RBMS3: variants seen among roughly 807,000 people sequenced by gnomAD.
RBMS3 encodes the protein RNA-binding motif, single-stranded-interacting protein 3.
Under a neutral mutation model 66.8 loss-of-function variants are expected in RBMS3, and 27 were observed. That is an observed-to-expected ratio of 0.40 (90% CI 0.30 to 0.56). The LOEUF (loss-of-function observed/expected upper bound fraction) is 0.56. Ranked by LOEUF, RBMS3 falls within the 20% of genes least tolerant of loss-of-function variation. The probability of loss-of-function intolerance (pLI) is 0.40; values close to 1 mark genes in which losing one functional copy is unlikely to be tolerated. For missense variants in RBMS3, 513 were observed against 549.5 expected, an observed-to-expected ratio of 0.93 and a Z score of 0.66; for synonymous variants, 188 against 183.0, an observed-to-expected ratio of 1.03 and a Z score of -0.22.
At chr3:29,830,138 T>A (rs1439188200) in intron 6 of RBMS3, among the ~76,000 whole-genome samples, 1 of 152,014 alleles carries the variant, frequency 6.6e-6, no homozygotes, top group African/African-American at 2.4e-5. Context: ...TAGTGGGAGG[T>A]AGTCTTTTTT....
At chr3:29,574,183 T>C (rs2047032320) in intron 3 of RBMS3, among the ~76,000 whole-genome samples, 1 of 152,200 alleles carries the variant, frequency 6.6e-6, no homozygotes, top group Non-Finnish European at 1.5e-5. Flanking sequence ...ATTATTGTAT[T>C]GAGGTCTACC....
intron 12 of RBMS3, among the ~76,000 whole-genome samples, chr3:29,974,919 A>G (rs1249122458): frequency 7.0e-6 from 1 of 143,490 alleles, no homozygotes; most frequent in Non-Finnish European, 1.5e-5. Flanking sequence ...TATTTTATAT[A>G]TAAAATACGT....
In RBMS3 at chr3:29,736,928, T is replaced by A. The variant is rs138905041; in HGVS notation, c.400-2792T>A. Among the ~76,000 whole-genome samples, 944 of 152,264 alleles carry A rather than the reference T, an allele frequency of 6.2e-3. 1 individual carries two copies. The highest frequency in any genetic ancestry group is 0.027 in the Middle Eastern group (8 of 294). On this transcript the variant is annotated intron_variant, in intron 4 of 14. Coordinates refer to ENST00000383767, the MANE Select transcript of RBMS3 (RefSeq NM_001003793.3). Reference sequence around the variant, plus strand: ...ATGAGTTTGTTCACTGTTTTTACAGTAACCTTCTATTTATGGCAAGTAATA... The same window carrying A: ...ATGAGTTTGTTCACTGTTTTTACAGAAACCTTCTATTTATGGCAAGTAATA...
intron 1 of RBMS3, among the ~76,000 whole-genome samples, chr3:29,315,829 C>A (rs1394003147): frequency 6.6e-6 from 1 of 151,672 alleles, no homozygotes; most frequent in Admixed American, 6.6e-5. Context: ...TTTTATAGAT[C>A]AGGCTAAATG....
intron 3 of RBMS3, among the ~76,000 whole-genome samples, chr3:29,521,039 T>C (rs998001195): frequency 6.6e-6 from 1 of 152,136 alleles, no homozygotes; most frequent in South Asian, 2.1e-4. Context: ...CTCTGACTTA[T>C]TATCTAAAAT....
At chr3:29,660,203 T>A (rs769621468) in intron 4 of RBMS3, among the ~76,000 whole-genome samples, 2 of 152,318 alleles carry the variant, frequency 1.3e-5, no homozygotes, top group Non-Finnish European at 2.9e-5. Context: ...ATTGTCTTTT[T>A]TTTACTTCAT....
In RBMS3 at chr3:29,819,489, T is replaced by A. The variant is rs184432544; in HGVS notation, c.638-49369T>A. On this transcript the variant is annotated intron_variant, in intron 6 of 14. Transcript: ENST00000383767. ...TTAGCAAGGGTATTTTTAAATTTTT[T>A]AAATAGCATCAAAATGTATTTTAGC... Among the ~76,000 whole-genome samples, 1,015 of 152,372 alleles carry A rather than the reference T, an allele frequency of 6.7e-3. 9 individuals carry two copies. Among genetic ancestry groups the A allele is most frequent in the African/African-American group, 0.022 (917 of 41,586 alleles).
At chr3:29,744,919 C>T (rs187074883) in intron 5 of RBMS3, among the ~76,000 whole-genome samples, 6 of 152,088 alleles carry the variant, frequency 3.9e-5, no homozygotes, top group Admixed American at 3.9e-4. Flanking sequence ...TTTCAGTGGA[C>T]TTCATTTTGA....
chr3:29,621,029 T>TTC (rs1026998420), intron 4 of RBMS3, among the ~76,000 whole-genome samples: 3 of 152,104 alleles, frequency 2.0e-5, no homozygotes, highest in African/African-American at 7.2e-5. Context: ...TCCATGCCCT[T>TTC]AAGTCATACC....
intron 3 of RBMS3, among the ~76,000 whole-genome samples, chr3:29,567,635 A>G (rs1418192407): frequency 6.6e-6 from 1 of 152,120 alleles, no homozygotes; most frequent in Non-Finnish European, 1.5e-5. Flanking sequence ...AAGGAGCAAT[A>G]GTGGTCTATT....
chr3:29,803,007 C>T (rs74731245), intron 6 of RBMS3, among the ~76,000 whole-genome samples: 9 of 152,158 alleles, frequency 5.9e-5, no homozygotes, highest in East Asian at 1.9e-4. Flanking sequence ...GAAAATGGGA[C>T]GAACGGCTTT....
At chr3:29,473,320 G>GGTTC (rs1294327030) in intron 2 of RBMS3, among the ~76,000 whole-genome samples, 1 of 152,202 alleles carries the variant, frequency 6.6e-6, no homozygotes, top group African/African-American at 2.4e-5. Flanking sequence ...TAGACATAAA[G>GGTTC]GTTCTCCAAG....
At chr3:29,909,006 T>C (rs2060452896) in intron 10 of RBMS3, among the ~76,000 whole-genome samples, 1 of 152,012 alleles carries the variant, frequency 6.6e-6, no homozygotes, top group Admixed American at 6.6e-5. Flanking sequence ...TGGGTGATGT[T>C]TGTGGGGCTA....
intron 4 of RBMS3, among the ~76,000 whole-genome samples, chr3:29,600,700 G>T (rs1022007062): frequency 1.3e-5 from 2 of 152,076 alleles, no homozygotes; most frequent in African/African-American, 4.8e-5. Context: ...TCTCTGCAGT[G>T]TAGTAGCTTG....
At chr3:29,406,238 T>G (rs1328799911) in intron 1 of RBMS3, among the ~76,000 whole-genome samples, 1 of 152,200 alleles carries the variant, frequency 6.6e-6, no homozygotes, top group Non-Finnish European at 1.5e-5. Context: ...TTCATTCTGT[T>G]GAGACTGACC....
At chr3:29,866,744 T>G (rs2059372601) in intron 6 of RBMS3, among the ~76,000 whole-genome samples, 2 of 152,184 alleles carry the variant, frequency 1.3e-5, no homozygotes, top group Admixed American at 6.5e-5. Flanking sequence ...GAATTAGGAA[T>G]CAGAATTTAC....
chr3:29,425,160 A>G (rs550579329), intron 1 of RBMS3, among the ~76,000 whole-genome samples: 6 of 146,798 alleles, frequency 4.1e-5, no homozygotes, highest in African/African-American at 7.6e-5. Flanking sequence ...TGGCTAACAC[A>G]GTGAAACACT....
At chr3:29,321,391 A>G (rs1207328793) in intron 1 of RBMS3, among the ~76,000 whole-genome samples, 1 of 152,184 alleles carries the variant, frequency 6.6e-6, no homozygotes, top group East Asian at 1.9e-4. Context: ...TAAGCAACTT[A>G]TAAAATATCT....
rs535399160 is a variant in RBMS3 at position 29,764,798 on chromosome 3, A to T, written c.637+1809A>T. ...CCAAATGTCTGGGCATCCTTCCAGAATATGCAGGCTATGATATTAACCTAT... is the reference window on the plus strand; with the variant it reads ...CCAAATGTCTGGGCATCCTTCCAGATTATGCAGGCTATGATATTAACCTAT... On this transcript the variant is annotated intron_variant, in intron 6 of 14. Transcript: ENST00000383767. 5.3e-5 allele frequency among the ~76,000 whole-genome samples: 8 copies of T among 152,156 alleles called. No individual in the cohort carries two copies. In the South Asian group the frequency reaches 1.5e-3, roughly 28 times the overall value.
Sources: allele counts gnomAD v4.1 joint callset (sites outside exome capture counted in the v4.1 genomes callset), GRCh38; gene constraint gnomAD v4.1.1; transcripts MANE v1.5; gene names NCBI Gene and HGNC (gene_info 2026-07-23, HGNC 2026-07-21).